The following PLAUR variants were observed in gnomAD, a reference collection of about 807,000 sequenced individuals.
PLAUR encodes the protein urokinase plasminogen activator surface receptor.
PLAUR carries 22 observed loss-of-function variants against 33.4 expected under a neutral mutation model. The observed-to-expected ratio is 0.66, with a 90% confidence interval of 0.47 to 0.94. The LOEUF is 0.94. Ranked by LOEUF, PLAUR falls within the 40% of genes least tolerant of loss-of-function variation. PLAUR has a pLI of 0.00. For synonymous variants in PLAUR, 148 were observed against 167.3 expected, an observed-to-expected ratio of 0.88 and a Z score of 0.89; for missense variants, 408 against 434.7, an observed-to-expected ratio of 0.94 and a Z score of 0.55.
At chr19:43,656,386 C>A in intron 4 of PLAUR, 93 bp downstream of exon 4, 1 of 1,193,366 alleles carries the variant, frequency 8.4e-7, no homozygotes, top group Non-Finnish European at 1.2e-6. Flanking sequence ...TAGTCCCTTG[C>A]TGACATCCCT....
At position 43,658,234 on chromosome 19, in the gene PLAUR, C is replaced by T. The variant is rs750344884; in HGVS notation, c.311-1594G>A. On this transcript the variant is annotated intron_variant, in intron 3 of 6. Coordinates refer to ENST00000340093, the MANE Select transcript of PLAUR (RefSeq NM_002659.4). Reference sequence around the variant, plus strand: ...TCAAGTAGCACCATGGGAAAGTTCACGTGGCAGAACTGAGGCCTGTGCCAA... The same window carrying T: ...TCAAGTAGCACCATGGGAAAGTTCATGTGGCAGAACTGAGGCCTGTGCCAA... 1.7e-4 allele frequency among the ~76,000 whole-genome samples: 26 copies of T among 152,218 alleles called. No individual in the cohort carries two copies. The East Asian group carries it at 3.1e-3, about 18-fold the overall frequency.
chr19:43,666,608 C>A (rs1003548901), intron 2 of PLAUR, among the ~76,000 whole-genome samples: 5 of 151,580 alleles, frequency 3.3e-5, no homozygotes, highest in Non-Finnish European at 7.4e-5. Flanking sequence ...GCTCTTGTCG[C>A]CCAGGCTGGA....
At chr19:43,652,555 C>A (rs1490106508) in intron 5 of PLAUR, among the ~76,000 whole-genome samples, 184 bp from the exon 6 acceptor site, 1 of 152,180 alleles carries the variant, frequency 6.6e-6, no homozygotes, top group African/African-American at 2.4e-5. Flanking sequence ...CCCCAACTTT[C>A]AACTCCCCAT....
intron 3 of PLAUR, among the ~76,000 whole-genome samples, chr19:43,659,167 C>CTTTTTTTTTTTTTTTTTTTTTTTTTTT (rs3052823): frequency 2.1e-5 from 2 of 97,138 alleles, no homozygotes; most frequent in African/African-American, 4.0e-5. Flanking sequence ...CTTTTCTTTT[C>CTTTTTTTTTTTTTTTTTTTTTTTTTTT]TTTTTTTTTT....
At chr19:43,659,955 C>T (rs1482769994) in intron 3 of PLAUR, among the ~76,000 whole-genome samples, 1 of 152,122 alleles carries the variant, frequency 6.6e-6, no homozygotes, top group African/African-American at 2.4e-5. Context: ...CTGAATATAT[C>T]GATTGTAGCA....
downstream of PLAUR, chr19:43,646,533 C>T (rs1207018295): frequency 2.8e-6 from 2 of 717,682 alleles, no homozygotes. Flanking sequence ...CAACCAGCTT[C>T]CCCAGAGTGA....
intron 2 of PLAUR, chr19:43,667,380 G>A (rs573987567): frequency 2.2e-5 from 13 of 591,650 alleles, no homozygotes; most frequent in Admixed American, 1.1e-4. Flanking sequence ...CCCCACCACA[G>A]ACACGGTCTG....
chr19:43,657,459 G>A (rs1417872491), intron 3 of PLAUR, among the ~76,000 whole-genome samples: 5 of 152,176 alleles, frequency 3.3e-5, no homozygotes, highest in Admixed American at 6.5e-5. Context: ...AGTCTGCGAC[G>A]ACACATGTTC....
At position 43,667,645 on chromosome 19, in the gene PLAUR, G is replaced by A; in HGVS notation, c.102C>T (p.Cys34=). The A allele has an allele frequency of 1.2e-6, 2 of 1,614,030 alleles. No homozygotes were observed. The highest frequency in any genetic ancestry group is 1.1e-5 in the South Asian group (1 of 91,074). The change falls in exon 2 of 7, where the codon TGC becomes TGT. Residue 34 remains cysteine, a synonymous_variant. Coordinates refer to ENST00000340093, the MANE Select transcript of PLAUR (RefSeq NM_002659.4). ...RCMQCKTNGD[C]RVEECALGQD... ...GTCCCAGGGCGCACTCTTCCACACG[G>A]CAATCCCCGTTGGTCTTACACTGCA...
intron 2 of PLAUR, chr19:43,667,218 A>G (rs111745255): frequency 6.7e-5 from 16 of 240,488 alleles, no homozygotes; most frequent in African/African-American, 3.4e-4. Flanking sequence ...CATTGCTGCT[A>G]AGAACATTCG....
At chr19:43,668,544 C>T (rs1967371745) in intron 1 of PLAUR, among the ~76,000 whole-genome samples, 1 of 151,788 alleles carries the variant, frequency 6.6e-6, no homozygotes, top group Admixed American at 6.6e-5. Flanking sequence ...TAACTCCGCC[C>T]CAGTCCCTTC....
At chr19:43,646,344 T>C (rs1228725683), downstream of PLAUR, 2 of 631,846 alleles carry the variant, frequency 3.2e-6, no homozygotes, top group Non-Finnish European at 5.8e-6. Context: ...TTCCTGTTTC[T>C]TCTCTATATC....
chr19:43,657,759 CAT>C (rs2146236446), intron 3 of PLAUR, among the ~76,000 whole-genome samples: 1 of 152,358 alleles, frequency 6.6e-6, no homozygotes, highest in Non-Finnish European at 1.5e-5. Flanking sequence ...CCACCTGGCA[CAT>C]GGCCAGGGAC....
intron 6 of PLAUR, among the ~76,000 whole-genome samples, chr19:43,650,159 G>A (rs1600111887): frequency 6.7e-6 from 1 of 149,872 alleles, no homozygotes; most frequent in African/African-American, 2.4e-5. Flanking sequence ...CTACAGGCGC[G>A]ACCACCATGC....
chr19:43,648,463 C>T (rs1973862671), downstream of PLAUR: 1 of 461,830 alleles, frequency 2.2e-6, no homozygotes. Context: ...GGAGGACTTC[C>T]AACCTAGGCA....
intron 3 of PLAUR, among the ~76,000 whole-genome samples, chr19:43,662,386 T>C (rs1967040013): frequency 6.6e-6 from 1 of 152,008 alleles, no homozygotes; most frequent in Non-Finnish European, 1.5e-5. Context: ...TAATCTCAGT[T>C]TCTTGGGAGG....
intron 3 of PLAUR, among the ~76,000 whole-genome samples, chr19:43,663,621 A>G (rs928027949): frequency 6.6e-6 from 1 of 151,888 alleles, no homozygotes; most frequent in African/African-American, 2.4e-5. Context: ...ATCTCTACTA[A>G]AAATACAAAA....
intron 1 of PLAUR, among the ~76,000 whole-genome samples, chr19:43,669,790 C>A (rs1967441516): frequency 8.6e-6 from 1 of 116,094 alleles, no homozygotes; most frequent in South Asian, 2.9e-4. Context: ...CCAGCCTGGG[C>A]GACAGAGTGA....
chr19:43,651,420 G>A (rs1248502505), intron 6 of PLAUR, among the ~76,000 whole-genome samples: 1 of 150,046 alleles, frequency 6.7e-6, no homozygotes, highest in Non-Finnish European at 1.5e-5. Flanking sequence ...AGAAATCACT[G>A]ATATAAACAA....
Sources: allele counts gnomAD v4.1 joint callset (sites outside exome capture counted in the v4.1 genomes callset), GRCh38; gene constraint gnomAD v4.1.1; transcripts MANE v1.5; gene names NCBI Gene and HGNC (gene_info 2026-07-23, HGNC 2026-07-21).